RBMS3: variants seen among roughly 807,000 people sequenced by gnomAD.
The protein encoded by RBMS3 is RNA-binding motif, single-stranded-interacting protein 3.
Under a neutral mutation model 66.8 loss-of-function variants are expected in RBMS3, and 27 were observed. The ratio of observed to expected loss-of-function variants is 0.40; its 90% CI spans 0.30 to 0.56. RBMS3 has a LOEUF of 0.56. Ranked by LOEUF, RBMS3 falls within the 20% of genes least tolerant of loss-of-function variation. The pLI is 0.40. For missense variants in RBMS3, 513 were observed against 549.5 expected, an observed-to-expected ratio of 0.93 and a Z score of 0.66; for synonymous variants, 188 against 183.0, an observed-to-expected ratio of 1.03 and a Z score of -0.22.
At chr3:29,377,064 C>T (rs934145013) in intron 1 of RBMS3, among the ~76,000 whole-genome samples, 5 of 150,514 alleles carry the variant, frequency 3.3e-5, no homozygotes, top group Admixed American at 6.6e-5. Flanking sequence ...ACTATAGCCT[C>T]GGTGACAAGA....
intron 4 of RBMS3, among the ~76,000 whole-genome samples, chr3:29,704,178 C>T (rs777114949): frequency 6.6e-6 from 1 of 152,096 alleles, no homozygotes; most frequent in South Asian, 2.1e-4. Flanking sequence ...GCACAATAAA[C>T]GTAATGCGCT....
At chr3:29,762,208 A>G (rs974399560) in intron 5 of RBMS3, among the ~76,000 whole-genome samples, 1 of 152,176 alleles carries the variant, frequency 6.6e-6, no homozygotes, top group African/African-American at 2.4e-5. Context: ...CCAAAATTCA[A>G]TATTGAGAAA....
At chr3:29,900,296 A>G (rs1428961979) in intron 10 of RBMS3, among the ~76,000 whole-genome samples, 1 of 151,766 alleles carries the variant, frequency 6.6e-6, no homozygotes, top group Admixed American at 6.6e-5. Flanking sequence ...ATTTATATAG[A>G]TAGATGGCAA....
At position 30,010,276 on chromosome 3, in the gene RBMS3, A is replaced by G. The variant is rs560101808; in HGVS notation, c.*6414A>G. The G allele has an allele frequency of 6.6e-6, 1 of 152,346 alleles. No individual in the cohort carries two copies. The highest frequency in any genetic ancestry group is 2.1e-4 in the South Asian group (1 of 4,832). The allele number at this position is 152,346 out of a possible 1,614,324, so 9.4% of individuals were successfully genotyped here. On this transcript the variant is annotated 3_prime_UTR_variant, in exon 15 of 15. Transcript: ENST00000383767. Reference sequence around the variant, plus strand: ...ATTTCTTCATCTGTACCACAGTCAAATTAGCAACCATCTCCCCCATCCCTT... The same window carrying G: ...ATTTCTTCATCTGTACCACAGTCAAGTTAGCAACCATCTCCCCCATCCCTT...
chr3:29,743,902 C>T (rs370540317), intron 5 of RBMS3, among the ~76,000 whole-genome samples: 1 of 116,250 alleles, frequency 8.6e-6, no homozygotes, highest in South Asian at 3.8e-4. Flanking sequence ...CCCCTCCCCC[C>T]ACCCCACAAC....
intron 5 of RBMS3, among the ~76,000 whole-genome samples, chr3:29,760,131 A>C (rs929969947): frequency 2.0e-5 from 3 of 152,110 alleles, no homozygotes; most frequent in African/African-American, 4.8e-5. Flanking sequence ...CTTAGAATGC[A>C]GAAGGGAGGA....
intron 4 of RBMS3, among the ~76,000 whole-genome samples, chr3:29,633,530 C>G (rs982125514): frequency 1.4e-4 from 22 of 151,918 alleles, no homozygotes; most frequent in Admixed American, 1.4e-3. Flanking sequence ...TCTCACCTAC[C>G]TATTTATCCC....
Position 29,809,764 on chromosome 3 carries a change from C to T in RBMS3, c.637+46775C>T, listed in dbSNP as rs1334302550. ...CTGATGACTATGATGATTAACAGTACAGACTGATATTTCCTGTGAAGGCAG... is the reference window on the plus strand; with the variant it reads ...CTGATGACTATGATGATTAACAGTATAGACTGATATTTCCTGTGAAGGCAG... On this transcript the variant is annotated intron_variant, in intron 6 of 14. Coordinates refer to ENST00000383767, the MANE Select transcript of RBMS3 (RefSeq NM_001003793.3). Among the ~76,000 whole-genome samples, 3 of 151,988 alleles carry T rather than the reference C, an allele frequency of 2.0e-5. No individual in the cohort carries two copies. In the East Asian group the frequency reaches 5.8e-4, roughly 29 times the overall value.
chr3:29,839,386 C>A (rs2058608529), intron 6 of RBMS3, among the ~76,000 whole-genome samples: 1 of 152,124 alleles, frequency 6.6e-6, no homozygotes, highest in African/African-American at 2.4e-5. Context: ...CAAACATCTG[C>A]TGCCAATATT....
chr3:29,390,967 G>A, intron 1 of RBMS3: 1 of 263,302 alleles, frequency 3.8e-6, no homozygotes, highest in South Asian at 3.9e-5. Context: ...AGTAGTCACA[G>A]TCTTAGACAA....
chr3:29,674,621 G>T (rs2051154423), intron 4 of RBMS3, among the ~76,000 whole-genome samples: 1 of 151,222 alleles, frequency 6.6e-6, no homozygotes, highest in Non-Finnish European at 1.5e-5. Flanking sequence ...TAGACAGAGA[G>T]CCAAATCATG....
Position 29,998,941 on chromosome 3 carries a change from G to T in RBMS3, c.1308-4915G>T, listed in dbSNP as rs1279318217. On this transcript the variant is annotated intron_variant, in intron 14 of 14. Transcript: ENST00000383767. The stretch of plus-strand genomic sequence containing the variant: ...AAATGGGATCTAATTAAACTAAAGA[G>T]CTTCTGCACAGCAAAAGAAACTACC... Among the ~76,000 whole-genome samples, 5 of 152,142 alleles carry T rather than the reference G, an allele frequency of 3.3e-5. No individual in the cohort carries two copies. The East Asian group carries it at 9.7e-4, about 29-fold the overall frequency.
intron 6 of RBMS3, among the ~76,000 whole-genome samples, chr3:29,811,935 T>A (rs938674817): frequency 2.0e-5 from 3 of 152,200 alleles, no homozygotes; most frequent in African/African-American, 7.2e-5. Context: ...TTTTTGTGAA[T>A]ATGTATGACA....
chr3:29,323,486 A>G (rs2035127497), intron 1 of RBMS3, among the ~76,000 whole-genome samples: 1 of 152,102 alleles, frequency 6.6e-6, no homozygotes, highest in Non-Finnish European at 1.5e-5. Context: ...TGAAATTTAA[A>G]TCTATGTTAT....
At chr3:29,671,238 C>T (rs914122326) in intron 4 of RBMS3, among the ~76,000 whole-genome samples, 4 of 151,786 alleles carry the variant, frequency 2.6e-5, no homozygotes, top group African/African-American at 9.7e-5. Flanking sequence ...GCATCAACGT[C>T]AACAAAAAGG....
intron 1 of RBMS3, among the ~76,000 whole-genome samples, chr3:29,375,187 A>AT (rs1426771325): frequency 1.3e-5 from 2 of 152,208 alleles, no homozygotes; most frequent in Non-Finnish European, 2.9e-5. Context: ...CCCCTTCTTT[A>AT]TACCATATAG....
At chr3:29,721,168 G>A (rs1239706801) in intron 4 of RBMS3, among the ~76,000 whole-genome samples, 1 of 152,046 alleles carries the variant, frequency 6.6e-6, no homozygotes, top group Non-Finnish European at 1.5e-5. Flanking sequence ...ATACAAGTTA[G>A]CTTTTATGAA....
At chr3:29,773,192 A>G (rs2056282989) in intron 6 of RBMS3, among the ~76,000 whole-genome samples, 1 of 152,008 alleles carries the variant, frequency 6.6e-6, no homozygotes, top group Non-Finnish European at 1.5e-5. Context: ...GACCATGCTC[A>G]CACCCCTACT....
intron 4 of RBMS3, among the ~76,000 whole-genome samples, chr3:29,668,486 A>G (rs1003824941): frequency 2.0e-5 from 3 of 152,152 alleles, no homozygotes; most frequent in Non-Finnish European, 4.4e-5. Context: ...CTGCCTACTG[A>G]TGTTGAGGAC....
Sources: allele counts gnomAD v4.1 joint callset (sites outside exome capture counted in the v4.1 genomes callset), GRCh38; gene constraint gnomAD v4.1.1; transcripts MANE v1.5; gene names NCBI Gene and HGNC (gene_info 2026-07-23, HGNC 2026-07-21).